The following KATNIP variants were observed in gnomAD, a reference collection of about 807,000 sequenced individuals.
KATNIP encodes the protein katanin-interacting protein.
Under a neutral mutation model 174.0 loss-of-function variants are expected in KATNIP, and 126 were observed. The ratio of observed to expected loss-of-function variants is 0.72; its 90% CI spans 0.63 to 0.84. KATNIP has a LOEUF of 0.84. Among genes scored for constraint, KATNIP ranks in the 40% least tolerant of loss-of-function variants. KATNIP has a pLI of 0.00. For missense variants in KATNIP, 1,958 were observed against 2,109.7 expected (o/e 0.93, Z 1.41); for synonymous variants, 810 against 835.7 (o/e 0.97, Z 0.53).
chr16:27,564,309 G>A (rs2090003640), intron 1 of KATNIP, among the ~76,000 whole-genome samples: 1 of 152,100 alleles, frequency 6.6e-6, no homozygotes, highest in South Asian at 2.1e-4. Context: ...ATGGAGTCAG[G>A]ACTAATAGGA....
intron 5 of KATNIP, among the ~76,000 whole-genome samples, chr16:27,643,687 G>C (rs765939719): frequency 2.6e-5 from 4 of 151,114 alleles, no homozygotes; most frequent in Admixed American, 2.6e-4. Context: ...GTGTGAAAGC[G>C]TTGATGGGTG....
In KATNIP at chr16:27,775,033, C is replaced by T. The variant is rs572755463; in HGVS notation, c.4398C>T (p.Asn1466=). 1.9e-5 allele frequency: 30 copies of T among 1,613,492 alleles called. No homozygotes were observed. The African/African-American group carries it at 2.0e-4, about 11-fold the overall frequency. ...CAGACAAGCTCATCGACCAAGTGAA[C>T]GACACCAGTGATGGCCGGCACATGT... ...RTPDKLIDQV[N]DTSDGRHMWL... is the part of the protein sequence containing the mutation. Residue 1466 remains asparagine, a synonymous_variant, in exon 24 of 28, where the codon AAC becomes AAT. Coordinates refer to ENST00000261588, the MANE Select transcript of KATNIP (RefSeq NM_015202.5).
At chr16:27,756,670 A>G (rs1363423577) in intron 18 of KATNIP, among the ~76,000 whole-genome samples, 1 of 152,144 alleles carries the variant, frequency 6.6e-6, no homozygotes, top group African/African-American at 2.4e-5. Context: ...TTTTTATTCA[A>G]TTTGGTTCTC....
chr16:27,703,750 C>A, intron 11 of KATNIP, 146 bp from the exon 12 acceptor site: 1 of 644,554 alleles, frequency 1.6e-6, no homozygotes, highest in South Asian at 1.9e-5. Context: ...AAACAGCAAG[C>A]CTGCCCTTGC....
intron 14 of KATNIP, among the ~76,000 whole-genome samples, chr16:27,739,406 CA>C (rs1373990253): frequency 6.6e-6 from 1 of 152,028 alleles, no homozygotes; most frequent in Non-Finnish European, 1.5e-5. Context: ...GTGACCAGCT[CA>C]AAAAAACTGG....
chr16:27,603,045 G>A (rs144095949), intron 2 of KATNIP, among the ~76,000 whole-genome samples: 2 of 152,354 alleles, frequency 1.3e-5, no homozygotes, highest in East Asian at 3.9e-4. Flanking sequence ...AGGAGCTAGG[G>A]TCTGGGTGCC....
intron 2 of KATNIP, among the ~76,000 whole-genome samples, chr16:27,607,198 G>A (rs1297232891): frequency 1.3e-5 from 2 of 152,248 alleles, no homozygotes; most frequent in Middle Eastern, 3.4e-3. Flanking sequence ...GAGAGTGGAC[G>A]AAAGGTGGTT....
intron 8 of KATNIP, among the ~76,000 whole-genome samples, chr16:27,691,222 C>CAAG (rs1478409709): frequency 6.6e-6 from 1 of 152,208 alleles, no homozygotes; most frequent in Non-Finnish European, 1.5e-5. Context: ...CTCGTGCCCT[C>CAAG]ACGTCTTCTG....
chr16:27,556,910 G>A (rs1274875457), intron 1 of KATNIP, among the ~76,000 whole-genome samples: 2 of 152,132 alleles, frequency 1.3e-5, no homozygotes, highest in Non-Finnish European at 2.9e-5. Context: ...TATCTGATTA[G>A]TTTCTTTTCT....
chr16:27,619,590 G>A (rs1037409135), intron 3 of KATNIP, among the ~76,000 whole-genome samples: 3 of 152,106 alleles, frequency 2.0e-5, no homozygotes, highest in African/African-American at 7.2e-5. Flanking sequence ...GGCCTTGGTG[G>A]CATGTTGCAT....
intron 2 of KATNIP, among the ~76,000 whole-genome samples, chr16:27,583,250 CAG>C (rs1323534053): frequency 6.6e-6 from 1 of 152,174 alleles, no homozygotes; most frequent in Non-Finnish European, 1.5e-5. Context: ...TGTGACCAGA[CAG>C]AGATAATGTT....
rs767541960 is a variant in KATNIP, at chr16:27,751,861, C to G, written c.3489C>G (p.Ser1163Arg). Residue 1163 changes from serine (S) to arginine (R), a missense_variant, in exon 17 of 28, where the codon AGC becomes AGG. By Grantham distance (110) the Ser-to-Arg change is moderately radical (BLOSUM62 -1). Around this residue, in one of 3 missense-constraint regions of KATNIP, gnomAD observed 1,557 missense variants for 1,617.8 expected, o/e 0.96. Transcript: ENST00000261588. ...LQDEEAMRRPSTADGEGDERP... is the reference protein window; with the variant it reads ...LQDEEAMRRPRTADGEGDERP... Reference sequence around the variant, plus strand: ...ATGAAGAGGCAATGAGGAGGCCCAGCACGGCCGACGGCGAGGGGGATGAGC... The same window carrying G: ...ATGAAGAGGCAATGAGGAGGCCCAGGACGGCCGACGGCGAGGGGGATGAGC... 21 of 1,613,982 alleles carry G rather than the reference C, an allele frequency of 1.3e-5. No homozygotes were observed. Among genetic ancestry groups the G allele is most frequent in the South Asian group, 4.4e-5 (4 of 91,074 alleles).
chr16:27,768,437 G>A (rs986533217), intron 20 of KATNIP, among the ~76,000 whole-genome samples: 3 of 152,180 alleles, frequency 2.0e-5, no homozygotes, highest in African/African-American at 4.8e-5. Flanking sequence ...ATGGACAGGG[G>A]CTTCCTGGGC....
intron 6 of KATNIP, among the ~76,000 whole-genome samples, chr16:27,661,100 G>A (rs12919675): frequency 0.14 from 21,804 of 152,258 alleles, 1,617 homozygotes; most frequent in Middle Eastern, 0.19. Flanking sequence ...TTTCCAAACT[G>A]TGAATCAGGA....
At position 27,701,693 on chromosome 16, in the gene KATNIP, CA is replaced by C; in HGVS notation, c.1285del (p.Arg429AspfsTer7). On this transcript the variant is annotated frameshift_variant and splice_region_variant, in exon 11 of 28. Coordinates refer to ENST00000261588, the MANE Select transcript of KATNIP (RefSeq NM_015202.5). LOFTEE classifies it high-confidence loss of function. The part of the protein sequence containing the change: ...AMDRIGLLGS[R>X]QQQKLLKVLQ... The stretch of plus-strand genomic sequence containing the variant: ...TGGACAGAATTGGGCTTCTGGGAAG[CA>C]GGTACTACTAAGGCTGAGGCCAAAC... 2 of 1,594,260 alleles carry C rather than the reference CA, an allele frequency of 1.3e-6. No homozygotes were observed. The highest frequency in any genetic ancestry group is 1.7e-6 in the Non-Finnish European group (2 of 1,169,984).
At chr16:27,618,181 C>T (rs957559056) in intron 2 of KATNIP, among the ~76,000 whole-genome samples, 2 of 152,136 alleles carry the variant, frequency 1.3e-5, no homozygotes, top group Non-Finnish European at 2.9e-5. Context: ...CGAACAGTAG[C>T]GAGAGGCGGG....
chr16:27,767,967 T>C (rs1486721690), intron 20 of KATNIP, among the ~76,000 whole-genome samples: 1 of 152,162 alleles, frequency 6.6e-6, no homozygotes, highest in Admixed American at 6.5e-5. Context: ...CTTGAGCAAA[T>C]CACAGTCTGT....
intron 3 of KATNIP, among the ~76,000 whole-genome samples, chr16:27,623,956 A>G (rs2076263575): frequency 6.6e-6 from 1 of 151,718 alleles, no homozygotes; most frequent in Non-Finnish European, 1.5e-5. Context: ...ACCTTGAGCA[A>G]GTCCCTAAAC....
chr16:27,643,070 G>A (rs1027984140), intron 5 of KATNIP: 10 of 152,222 alleles, frequency 6.6e-5, no homozygotes, highest in African/African-American at 2.4e-4. Flanking sequence ...CATTTCTTTA[G>A]TCATTGCCTG....
Sources: gnomAD v4.1 joint callset for allele counts (sites outside exome capture counted in the v4.1 genomes callset) on GRCh38, gnomAD v4.1.1 for gene constraint, gnomAD v4.1.1 regional missense constraint, MANE v1.5 for transcripts, NCBI Gene and HGNC (gene_info 2026-07-23, HGNC 2026-07-21) for gene names.